Variants in SLC30A8 observed in about 807,000 individuals in gnomAD.
SLC30A8 encodes the protein proton-coupled zinc antiporter SLC30A8.
A neutral mutation model predicts 36.9 loss-of-function variants in SLC30A8; 27 were observed. The ratio of observed to expected loss-of-function variants is 0.73; its 90% confidence interval spans 0.54 to 1.01. SLC30A8 has a LOEUF of 1.01. Ranked by LOEUF, SLC30A8 falls within the 50% of genes least tolerant of loss-of-function variation. The probability of loss-of-function intolerance (pLI) is 0.00; values close to 1 mark genes in which losing one functional copy is unlikely to be tolerated. For missense variants in SLC30A8, 439 were observed against 452.0 expected, an observed-to-expected ratio of 0.97 and a Z score of 0.26; for synonymous variants, 164 against 172.4, an observed-to-expected ratio of 0.95 and a Z score of 0.38.
At position 117,174,096 on chromosome 8, in the gene SLC30A8, T is replaced by G. The variant is rs763875807; in HGVS notation, c.*1415T>G. On this transcript the variant is annotated 3_prime_UTR_variant, in exon 8 of 8. Transcript: ENST00000456015. ...AAAATACATGATGCAAAGAAACCTCTCCACGCTGTGATTTTTAAAACTACA... is the reference window on the plus strand; with the variant it reads ...AAAATACATGATGCAAAGAAACCTCGCCACGCTGTGATTTTTAAAACTACA... 2 of 152,168 alleles carry G rather than the reference T, an allele frequency of 1.3e-5. No homozygotes were observed. Among genetic ancestry groups the G allele is most frequent in the Non-Finnish European group, 2.9e-5 (2 of 68,030 alleles). 9.4% of individuals were successfully genotyped at this position (152,168 alleles called of 1,614,324 possible). A position where few individuals can be genotyped will look rare whatever the true frequency, so the allele number is the denominator to read the frequency against.
At position 116,984,559 on chromosome 8, in the gene SLC30A8, G is replaced by A. The variant is rs76625919; in HGVS notation, c.-266+33440G>A. On this transcript the variant is annotated intron_variant, in intron 1 of 10. Coordinates refer to the SLC30A8 transcript ENST00000427715. ...TTTTAATTTGCATGTGATGTTAAAC[G>A]TCTTCTCATGTGCTTATTTACCATC... is the stretch of plus-strand genomic sequence containing the variant. Among the ~76,000 whole-genome samples, 349 of 152,114 alleles carry A rather than the reference G, an allele frequency of 2.3e-3. 1 individual carries two copies. The highest frequency in any genetic ancestry group is 8.1e-3 in the African/African-American group (337 of 41,518).
chr8:117,068,382 G>T (rs893749977), intron 2 of SLC30A8, among the ~76,000 whole-genome samples: 3 of 152,126 alleles, frequency 2.0e-5, no homozygotes, highest in Admixed American at 6.5e-5. Context: ...AACAAATGGG[G>T]CAAATTTTCT....
chr8:117,167,033 C>A (rs376140527), intron 6 of SLC30A8, among the ~76,000 whole-genome samples: 4 of 152,120 alleles, frequency 2.6e-5, no homozygotes, highest in African/African-American at 9.6e-5. Flanking sequence ...GCCACAGAAG[C>A]ATCCATTTTC....
chr8:117,157,549 A>G (rs1563633125), intron 3 of SLC30A8, 142 bp from the exon 4 acceptor site: 18 of 850,264 alleles, frequency 2.1e-5, no homozygotes, highest in Non-Finnish European at 3.1e-5. Flanking sequence ...ATCCATCCAC[A>G]CTTTTACTTT....
At chr8:116,975,207 T>C (rs536453888) in intron 1 of SLC30A8, among the ~76,000 whole-genome samples, 3 of 152,226 alleles carry the variant, frequency 2.0e-5, no homozygotes, top group Admixed American at 6.5e-5. Context: ...ATAAGCTCTT[T>C]TCCTTATGGA....
intron 2 of SLC30A8, among the ~76,000 whole-genome samples, chr8:117,120,001 C>A (rs547535131): frequency 8.6e-5 from 13 of 151,824 alleles, no homozygotes; most frequent in Non-Finnish European, 1.9e-4. Flanking sequence ...ACATCTTGTG[C>A]TCATAAATTG....
chr8:117,012,636 C>G (rs1816379438), intron 1 of SLC30A8, among the ~76,000 whole-genome samples: 1 of 151,060 alleles, frequency 6.6e-6, no homozygotes, highest in African/African-American at 2.4e-5. Context: ...TGGAGCCAAT[C>G]CCCAAGGATA....
chr8:117,150,607 A>G (rs1338956439), intron 2 of SLC30A8, among the ~76,000 whole-genome samples: 2 of 152,104 alleles, frequency 1.3e-5, no homozygotes, highest in Non-Finnish European at 2.9e-5. Flanking sequence ...GAGACTTTAA[A>G]AGAAAATTTT....
chr8:116,952,689 T>C (rs1375794675), intron 1 of SLC30A8, among the ~76,000 whole-genome samples: 1 of 152,088 alleles, frequency 6.6e-6, no homozygotes, highest in Non-Finnish European at 1.5e-5. Context: ...ACTCCTAACA[T>C]CAAGTGACCC....
Position 117,101,232 on chromosome 8 carries a change from C to T in SLC30A8, c.-225-34048C>T, listed in dbSNP as rs148669181. ...GGAGACCTCCCAGTAAAGACAAGTG[C>T]GTCTTTCCAGGGCCTTATATCTGAA... On this transcript the variant is annotated intron_variant, in intron 2 of 10. Transcript: ENST00000427715. Among the ~76,000 whole-genome samples the T allele has an allele frequency of 2.4e-4, 37 of 152,228 alleles. No individual in the cohort carries two copies. In the East Asian group the frequency reaches 6.0e-3, roughly 25 times the overall value.
chr8:117,030,024 A>C (rs1465760636), intron 1 of SLC30A8, among the ~76,000 whole-genome samples: 1 of 152,160 alleles, frequency 6.6e-6, no homozygotes, highest in Non-Finnish European at 1.5e-5. Flanking sequence ...AGCATTTAAT[A>C]AGGGCAGATC....
At chr8:117,052,237 C>T (rs1245439800) in intron 2 of SLC30A8, among the ~76,000 whole-genome samples, 1 of 152,162 alleles carries the variant, frequency 6.6e-6, no homozygotes, top group Non-Finnish European at 1.5e-5. Context: ...TCTTGGACTC[C>T]TGACCTCAGG....
chr8:117,159,727 C>G (rs561898195), intron 4 of SLC30A8, among the ~76,000 whole-genome samples: 1 of 152,224 alleles, frequency 6.6e-6, no homozygotes, highest in Admixed American at 6.5e-5. Context: ...ATAAGGAGAA[C>G]AATATGGTCT....
intron 1 of SLC30A8, among the ~76,000 whole-genome samples, chr8:117,008,481 CT>C (rs1439320573): frequency 6.6e-6 from 1 of 152,170 alleles, no homozygotes. Context: ...AAGTCACTCT[CT>C]TTGTACCTGC....
intron 2 of SLC30A8, among the ~76,000 whole-genome samples, chr8:117,099,295 G>C (rs1007414045): frequency 6.6e-6 from 1 of 151,976 alleles, no homozygotes; most frequent in African/African-American, 2.4e-5. Context: ...TCTCTGAATG[G>C]CTGGCTTCTC....
chr8:117,116,674 C>T (rs1820459399), intron 2 of SLC30A8, among the ~76,000 whole-genome samples: 1 of 151,996 alleles, frequency 6.6e-6, no homozygotes, highest in African/African-American at 2.4e-5. Context: ...GGTAGGTAAC[C>T]TGTCTGTCCT....
At chr8:117,167,914 C>T (rs760550088) in intron 6 of SLC30A8, among the ~76,000 whole-genome samples, 16 of 152,108 alleles carry the variant, frequency 1.1e-4, no homozygotes, top group Admixed American at 6.6e-4. Flanking sequence ...ATGGACTCAC[C>T]GTTTCACATG....
chr8:116,992,897 T>A (rs3019886), intron 1 of SLC30A8, among the ~76,000 whole-genome samples: 57,662 of 152,030 alleles, frequency 0.38, 11,932 homozygotes, highest in South Asian at 0.49. Flanking sequence ...TGATGCTTTT[T>A]CTCTGACAGA....
chr8:117,144,670 G>A (rs956423557), intron 1 of SLC30A8, among the ~76,000 whole-genome samples: 46 of 152,094 alleles, frequency 3.0e-4, no homozygotes, highest in Non-Finnish European at 1.8e-4. Context: ...TTTTATAAAT[G>A]GAGAAAATAT....
Sources: allele counts gnomAD v4.1 joint callset (sites outside exome capture counted in the v4.1 genomes callset), GRCh38; gene constraint gnomAD v4.1.1; transcripts MANE v1.5; gene names NCBI Gene and HGNC (gene_info 2026-07-23, HGNC 2026-07-21).